Variants in TRDN observed in about 807,000 individuals in gnomAD.
TRDN encodes the protein triadin, also known as triadin in skeletal muscle.
In TRDN, 161 loss-of-function variants were observed where a neutral mutation model predicts 149.7. The observed-to-expected ratio is 1.08, with a 90% confidence interval of 0.95 to 1.23. The LOEUF (loss-of-function observed/expected upper bound fraction) is 1.23, where lower values mean the gene tolerates loss of function less well. Among genes scored for constraint, TRDN ranks in the 50% most tolerant of loss-of-function variants. The pLI is 0.00. For synonymous variants in TRDN, 294 were observed against 250.5 expected (o/e 1.17, Z -1.64); for missense variants, 896 against 823.5 (o/e 1.09, Z -1.08).
chr6:123,321,365 T>C (rs924901349), intron 23 of TRDN, among the ~76,000 whole-genome samples: 2 of 152,150 alleles, frequency 1.3e-5, no homozygotes, highest in Admixed American at 6.6e-5. Context: ...ACAATACGTA[T>C]TTTAAAATTA....
chr6:123,471,213 C>A (rs1049511263), intron 9 of TRDN: 4 of 152,168 alleles, frequency 2.6e-5, no homozygotes, highest in African/African-American at 9.7e-5. Context: ...GAGAAAAATA[C>A]ATCAAGGATG....
At chr6:123,435,163 T>A (rs1774500412) in intron 12 of TRDN, among the ~76,000 whole-genome samples, 1 of 150,682 alleles carries the variant, frequency 6.6e-6, no homozygotes, top group Non-Finnish European at 1.5e-5. Flanking sequence ...AACATAAATA[T>A]AATAAAATAT....
intron 12 of TRDN, chr6:123,437,308 T>A: frequency 3.4e-6 from 1 of 295,368 alleles, no homozygotes; most frequent in Non-Finnish European, 6.5e-6. Flanking sequence ...ATCTCCCTTT[T>A]CTTAGAGCAT....
At chr6:123,331,011 T>A (rs2114725532) in intron 23 of TRDN, among the ~76,000 whole-genome samples, 1 of 152,196 alleles carries the variant, frequency 6.6e-6, no homozygotes, top group South Asian at 2.1e-4. Context: ...AGGCTCTTCT[T>A]CTAACATTCA....
intron 24 of TRDN, among the ~76,000 whole-genome samples, chr6:123,304,522 GA>G (rs909529345): frequency 7.2e-5 from 11 of 151,966 alleles, no homozygotes; most frequent in African/African-American, 2.7e-4. Context: ...AAAGTGCTGG[GA>G]TTAAAGGCGT....
intron 15 of TRDN, 59 bp from the exon 16 acceptor site, chr6:123,381,449 C>T: frequency 1.4e-6 from 2 of 1,463,534 alleles, no homozygotes; most frequent in Non-Finnish European, 1.9e-6. Context: ...AACGTACTAC[C>T]CTACATATTG....
At position 123,308,341 on chromosome 6, in the gene TRDN, T is replaced by G. The variant is rs955911073; in HGVS notation, c.1510+8116A>C. Among the ~76,000 whole-genome samples the G allele has an allele frequency of 3.2e-3, 479 of 149,222 alleles. 17 individuals are homozygous for G. In the East Asian group the frequency reaches 0.078, roughly 24 times the overall value. On this transcript the variant is annotated intron_variant, in intron 24 of 40. Transcript: ENST00000334268. ...GAACATATGAGTGCACGTGTGTGTT[T>G]TTTTTTTTTTTTGGTAGAAAGCTTT...
intron 4 of TRDN, among the ~76,000 whole-genome samples, chr6:123,542,764 A>G (rs75241982): frequency 0.024 from 3,696 of 152,142 alleles, 156 homozygotes; most frequent in African/African-American, 0.084. Flanking sequence ...TGAAAAAAAC[A>G]TATATTTTTT....
chr6:123,522,801 A>G (rs530039901), intron 5 of TRDN, among the ~76,000 whole-genome samples: 1 of 152,232 alleles, frequency 6.6e-6, no homozygotes, highest in Non-Finnish European at 1.5e-5. Flanking sequence ...TTCACAAATT[A>G]AATCGTTATT....
At chr6:123,399,838 A>G (rs534155754) in intron 12 of TRDN, among the ~76,000 whole-genome samples, 53 of 152,318 alleles carry the variant, frequency 3.5e-4, no homozygotes, top group Non-Finnish European at 6.2e-4. Context: ...CTACTATAAA[A>G]TAAGCATTCC....
At chr6:123,498,498 T>C (rs1448253660) in intron 8 of TRDN, 1 of 469,932 alleles carries the variant, frequency 2.1e-6, no homozygotes, top group Admixed American at 2.3e-5. Context: ...TTTAGATGTA[T>C]TTTAGTTGTT....
At position 123,477,518 on chromosome 6, in the gene TRDN, T is replaced by C. The variant is rs1054763969; in HGVS notation, c.854-12535A>G. Reference sequence around the variant, plus strand: ...TCAGTGTGGCGATTCCTCAGGGATCTAGAACTGGAAATACCATTTGACCCA... The same window carrying C: ...TCAGTGTGGCGATTCCTCAGGGATCCAGAACTGGAAATACCATTTGACCCA... On this transcript the variant is annotated intron_variant, in intron 9 of 40. Transcript: ENST00000334268. 1.1e-4 allele frequency among the ~76,000 whole-genome samples: 17 copies of C among 147,974 alleles called. No homozygotes were observed. In the East Asian group the frequency reaches 1.8e-3, roughly 16 times the overall value.
intron 38 of TRDN, among the ~76,000 whole-genome samples, chr6:123,232,707 A>G (rs1457542217): frequency 6.6e-6 from 1 of 152,038 alleles, no homozygotes; most frequent in Non-Finnish European, 1.5e-5. Flanking sequence ...GAGGCTGATG[A>G]TAGGGAATAT....
intron 12 of TRDN, among the ~76,000 whole-genome samples, chr6:123,413,328 CA>C (rs1562301075): frequency 6.6e-6 from 1 of 152,164 alleles, no homozygotes. Flanking sequence ...AAAAACACTT[CA>C]ATTTCAGAGA....
intron 20 of TRDN, among the ~76,000 whole-genome samples, chr6:123,359,886 G>A (rs1266644992): frequency 6.6e-6 from 1 of 151,966 alleles, no homozygotes; most frequent in Non-Finnish European, 1.5e-5. Context: ...TAGTAGAGAC[G>A]GGATTTCACC....
In TRDN at chr6:123,636,821, T is replaced by C. The variant is rs775439992; in HGVS notation, c.-46A>G. 3.1e-6 allele frequency: 5 copies of C among 1,610,604 alleles called. No individual in the cohort carries two copies. The highest frequency in any genetic ancestry group is 1.7e-4 in the Middle Eastern group (1 of 6,038). The stretch of plus-strand genomic sequence containing the variant: ...GTCAGTTGAAAAGTTCCCGTCAAGT[T>C]GCACTTTGCAGAGTATTTGGGGATT... On this transcript the variant is annotated 5_prime_UTR_variant, in exon 1 of 41. Transcript: ENST00000334268.
At chr6:123,276,711 C>T (rs1227059066) in intron 26 of TRDN, among the ~76,000 whole-genome samples, 4 of 152,108 alleles carry the variant, frequency 2.6e-5, no homozygotes, top group African/African-American at 9.7e-5. Context: ...GGAGGACCCT[C>T]TTATCTAATG....
intron 12 of TRDN, 124 bp downstream of exon 12, chr6:123,437,939 T>C (rs1316978466): frequency 3.7e-6 from 3 of 808,962 alleles, no homozygotes; most frequent in Non-Finnish European, 5.9e-6. Flanking sequence ...AGTTTTGCTT[T>C]GACCTTCACG....
At chr6:123,378,453 A>AGTGTGTGTGTGTGT (rs59816098) in intron 16 of TRDN, among the ~76,000 whole-genome samples, 3 of 136,286 alleles carry the variant, frequency 2.2e-5, no homozygotes, top group South Asian at 5.3e-4. Flanking sequence ...CCAGATTTGT[A>AGTGTGTGTGTGTGT]GTGTGTGTGT....
Sources: allele counts gnomAD v4.1 joint callset (sites outside exome capture counted in the v4.1 genomes callset), GRCh38; gene constraint gnomAD v4.1.1; transcripts MANE v1.5; gene names NCBI Gene and HGNC (gene_info 2026-07-23, HGNC 2026-07-21).